Variants in SYNPO2 observed in about 807,000 individuals in gnomAD.
The protein encoded by SYNPO2 is synaptopodin 2.
Under a neutral mutation model 85.0 loss-of-function variants are expected in SYNPO2, and 56 were observed. That is an observed-to-expected ratio of 0.66 (90% CI 0.53 to 0.82). SYNPO2 has a LOEUF of 0.82. SYNPO2 is among the 40% of genes least tolerant of loss of function. The pLI is 0.00. For synonymous variants in SYNPO2, 602 were observed against 591.1 expected, an observed-to-expected ratio of 1.02 and a Z score of -0.27; for missense variants, 1,575 against 1,534.2, an observed-to-expected ratio of 1.03 and a Z score of -0.44.
chr4:118,912,286 G>C lies in SYNPO2; in HGVS notation c.105+23145G>C, dbSNP rs1391458873. Among the ~76,000 whole-genome samples the C allele has an allele frequency of 2.0e-5, 3 of 152,148 alleles. No homozygotes were observed. In the East Asian group the frequency reaches 5.8e-4, roughly 29 times the overall value. ...ACCTCAACTTCCTGGGCTCGAATGAGCTTCCCATTTCAGCCTCCCCAGTAG... is the reference window on the plus strand; with the variant it reads ...ACCTCAACTTCCTGGGCTCGAATGACCTTCCCATTTCAGCCTCCCCAGTAG... On this transcript the variant is annotated intron_variant, in intron 1 of 4. Coordinates refer to ENST00000307142, the MANE Select transcript of SYNPO2 (RefSeq NM_133477.3).
At chr4:118,927,765 A>AGAT (rs1560874462) in intron 1 of SYNPO2, among the ~76,000 whole-genome samples, 7,692 of 88,436 alleles carry the variant, frequency 0.087, 366 homozygotes, top group African/African-American at 0.11. Context: ...ATAGATATAT[A>AGAT]GATAGATAGA....
intron 1 of SYNPO2, among the ~76,000 whole-genome samples, chr4:118,879,352 C>T (rs1157968263): frequency 6.6e-6 from 1 of 152,148 alleles, no homozygotes; most frequent in Non-Finnish European, 1.5e-5. Context: ...GTTTTTGTCT[C>T]CCCTGAAATT....
chr4:118,959,197 C>T (rs1007606984), intron 1 of SYNPO2, among the ~76,000 whole-genome samples: 1 of 152,166 alleles, frequency 6.6e-6, no homozygotes, highest in Non-Finnish European at 1.5e-5. Flanking sequence ...CATATCAGGA[C>T]ATCAAAGGAA....
At chr4:118,918,157 A>G (rs1456641676) in intron 1 of SYNPO2, among the ~76,000 whole-genome samples, 1 of 152,186 alleles carries the variant, frequency 6.6e-6, no homozygotes, top group Non-Finnish European at 1.5e-5. Flanking sequence ...CTAGAAACTG[A>G]AAGTTCTTTT....
chr4:118,969,839 A>G (rs942350723), intron 1 of SYNPO2, among the ~76,000 whole-genome samples: 1 of 152,168 alleles, frequency 6.6e-6, no homozygotes, highest in South Asian at 2.1e-4. Context: ...AATGCCAACA[A>G]AAATGATTTG....
chr4:118,884,138 T>G (rs1732159647), upstream of SYNPO2, among the ~76,000 whole-genome samples: 1 of 152,230 alleles, frequency 6.6e-6, no homozygotes, highest in African/African-American at 2.4e-5. Flanking sequence ...ATCTGCTCTT[T>G]GTTTCTGATT....
intron 4 of SYNPO2, chr4:119,037,422 G>A (rs1040368143): frequency 9.0e-5 from 104 of 1,155,328 alleles, no homozygotes; most frequent in Non-Finnish European, 1.1e-4. Context: ...ACAGAAAAAT[G>A]TTCTTCTTGG....
intron 1 of SYNPO2, among the ~76,000 whole-genome samples, chr4:118,959,502 A>G (rs1338297367): frequency 1.3e-5 from 2 of 152,210 alleles, no homozygotes; most frequent in African/African-American, 2.4e-5. Context: ...GGTTTTTCCA[A>G]TCCTAACGCA....
intron 1 of SYNPO2, among the ~76,000 whole-genome samples, chr4:118,950,513 A>G (rs1734661649): frequency 6.6e-6 from 1 of 152,156 alleles, no homozygotes; most frequent in Non-Finnish European, 1.5e-5. Flanking sequence ...AGGATTTGAT[A>G]ATTTAAATAA....
intron 1 of SYNPO2, among the ~76,000 whole-genome samples, chr4:118,914,277 A>G (rs1372211507): frequency 6.6e-6 from 1 of 152,188 alleles, no homozygotes; most frequent in Non-Finnish European, 1.5e-5. Flanking sequence ...TGCAGAATTA[A>G]GAGTATCAGT....
intron 4 of SYNPO2, among the ~76,000 whole-genome samples, chr4:119,051,341 C>T (rs1474515120): frequency 6.7e-6 from 1 of 149,240 alleles, no homozygotes; most frequent in Non-Finnish European, 1.5e-5. Context: ...AAGCGCCCGC[C>T]ACTACGCCCG....
In SYNPO2 at chr4:118,973,786, G is replaced by A. The variant is rs142583256; in HGVS notation, c.106-49644G>A. Among the ~76,000 whole-genome samples, 109 of 152,144 alleles carry A rather than the reference G, an allele frequency of 7.2e-4. 1 individual carries two copies. In the East Asian group the frequency reaches 0.014, roughly 20 times the overall value. ...ATATTAATTAGTATCAGAACTAAAA[G>A]AAGCCTAGTTTGGTCCTGAAGTTAC... On this transcript the variant is annotated intron_variant, in intron 1 of 4. Coordinates refer to ENST00000307142, the MANE Select transcript of SYNPO2 (RefSeq NM_133477.3).
chr4:118,895,574 C>T (rs1049632584), intron 1 of SYNPO2, among the ~76,000 whole-genome samples: 1 of 152,096 alleles, frequency 6.6e-6, no homozygotes, highest in African/African-American at 2.4e-5. Context: ...CTCTTCTGTA[C>T]CCCCTACAAG....
chr4:118,958,588 C>T (rs895736168), intron 1 of SYNPO2, among the ~76,000 whole-genome samples: 2 of 151,572 alleles, frequency 1.3e-5, no homozygotes, highest in African/African-American at 4.8e-5. Flanking sequence ...AACACTGCAA[C>T]CCCTGATCCA....
intron 1 of SYNPO2, among the ~76,000 whole-genome samples, chr4:119,002,467 G>A (rs77908409): frequency 1.3e-5 from 2 of 152,102 alleles, no homozygotes; most frequent in African/African-American, 2.4e-5. Flanking sequence ...CACCATGTTG[G>A]CCAGGCTGGT....
intron 1 of SYNPO2, among the ~76,000 whole-genome samples, chr4:118,978,941 A>G (rs146736993): frequency 1.3e-5 from 2 of 152,252 alleles, no homozygotes; most frequent in Non-Finnish European, 2.9e-5. Context: ...CTGCTTTTCA[A>G]TAACACTGGC....
rs1447407898 is a variant in SYNPO2 at position 118,980,372 on chromosome 4, T to G, written c.106-43058T>G. ...CAGAACCATCCCTTTTCTAGCTGGC[T>G]TTTCTGGTAGAGTCTATCCACACTC... On this transcript the variant is annotated intron_variant, in intron 1 of 4. Coordinates refer to ENST00000307142, the MANE Select transcript of SYNPO2 (RefSeq NM_133477.3). Among the ~76,000 whole-genome samples, 12 of 152,160 alleles carry G rather than the reference T, an allele frequency of 7.9e-5. No homozygotes were observed. The East Asian group carries it at 2.1e-3, about 27-fold the overall frequency.
intron 3 of SYNPO2, among the ~76,000 whole-genome samples, chr4:119,029,299 A>G (rs1561000506): frequency 6.6e-6 from 1 of 152,154 alleles, no homozygotes; most frequent in South Asian, 2.1e-4. Context: ...TCAGGGTAAA[A>G]AAAGAAAAAA....
chr4:118,975,598 T>C (rs553848922), intron 1 of SYNPO2, among the ~76,000 whole-genome samples: 1 of 152,118 alleles, frequency 6.6e-6, no homozygotes, highest in Non-Finnish European at 1.5e-5. Flanking sequence ...GAAATTCCTG[T>C]CATAGAAGAG....
Sources: allele counts gnomAD v4.1 joint callset (sites outside exome capture counted in the v4.1 genomes callset), GRCh38; gene constraint gnomAD v4.1.1; transcripts MANE v1.5; gene names NCBI Gene and HGNC (gene_info 2026-07-23, HGNC 2026-07-21).